LRRTM4: variants seen among roughly 807,000 people sequenced by gnomAD.
LRRTM4 encodes the protein leucine rich repeat transmembrane neuronal 4, also known as leucine-rich repeat transmembrane neuronal protein 4.
LRRTM4 carries 25 observed loss-of-function variants against 47.6 expected under a neutral mutation model. That is an observed-to-expected ratio of 0.53 (90% CI 0.38 to 0.73). LRRTM4 has a LOEUF of 0.73. LRRTM4 is among the 30% of genes least tolerant of loss of function. The pLI is 0.00. For missense variants in LRRTM4, 638 were observed against 713.4 expected, an observed-to-expected ratio of 0.89 and a Z score of 1.20; for synonymous variants, 311 against 269.5, an observed-to-expected ratio of 1.15 and a Z score of -1.51.
chr2:77,507,456 T>A (rs1394134609), intron 3 of LRRTM4, among the ~76,000 whole-genome samples: 1 of 152,052 alleles, frequency 6.6e-6, no homozygotes, highest in South Asian at 2.1e-4. Context: ...GGGCAACACA[T>A]TGGAATGCTG....
intron 3 of LRRTM4, among the ~76,000 whole-genome samples, chr2:76,867,400 G>A (rs1672498125): frequency 6.6e-6 from 1 of 152,130 alleles, no homozygotes; most frequent in Non-Finnish European, 1.5e-5. Flanking sequence ...ATGAGTTCAG[G>A]TATAAAAGAT....
At chr2:76,906,797 C>G (rs1433490772) in intron 3 of LRRTM4, among the ~76,000 whole-genome samples, 5 of 150,896 alleles carry the variant, frequency 3.3e-5, no homozygotes, top group African/African-American at 9.8e-5. Flanking sequence ...GAAGAGCTAA[C>G]TATCCTAAAT....
intron 3 of LRRTM4, among the ~76,000 whole-genome samples, chr2:77,441,258 T>C (rs187236007): frequency 1.3e-5 from 2 of 152,196 alleles, no homozygotes; most frequent in Non-Finnish European, 2.9e-5. Context: ...TTAAAAACTT[T>C]AAATGTTTTT....
At chr2:77,094,977 G>C (rs72807245) in intron 3 of LRRTM4, among the ~76,000 whole-genome samples, 5,950 of 152,194 alleles carry the variant, frequency 0.039, 232 homozygotes, top group African/African-American at 0.093. Context: ...ACAATTAACA[G>C]GGTGAAGAGA....
intron 3 of LRRTM4, among the ~76,000 whole-genome samples, chr2:77,114,710 G>A (rs527238717): frequency 5.3e-5 from 8 of 152,162 alleles, no homozygotes; most frequent in South Asian, 2.1e-4. Context: ...CTGGGCCTCC[G>A]GGGGTGTCAT....
chr2:77,108,862 A>G (rs1312960138), intron 3 of LRRTM4, among the ~76,000 whole-genome samples: 1 of 152,222 alleles, frequency 6.6e-6, no homozygotes, highest in African/African-American at 2.4e-5. Context: ...AACATTCTTT[A>G]TACATAAACC....
chr2:76,763,543 T>G (rs1234266830), intron 3 of LRRTM4, among the ~76,000 whole-genome samples: 1 of 152,200 alleles, frequency 6.6e-6, no homozygotes, highest in African/African-American at 2.4e-5. Context: ...TCCAGAACTG[T>G]AAGGAGCAAA....
chr2:77,398,012 A>G (rs1420362342), intron 3 of LRRTM4, among the ~76,000 whole-genome samples: 3 of 151,820 alleles, frequency 2.0e-5, no homozygotes, highest in Non-Finnish European at 2.9e-5. Flanking sequence ...ACAAATTCCT[A>G]TATGTCATCT....
At chr2:77,251,437 T>C (rs1675613913) in intron 3 of LRRTM4, among the ~76,000 whole-genome samples, 1 of 151,696 alleles carries the variant, frequency 6.6e-6, no homozygotes, top group Non-Finnish European at 1.5e-5. Flanking sequence ...GGGAATGGAA[T>C]TGAGATGAAA....
intron 3 of LRRTM4, among the ~76,000 whole-genome samples, chr2:76,802,467 A>G (rs998555470): frequency 6.6e-6 from 1 of 152,078 alleles, no homozygotes; most frequent in Non-Finnish European, 1.5e-5. Flanking sequence ...ATAAATGGAA[A>G]GGGCCACAAA....
chr2:76,898,925 T>G (rs561543713), intron 3 of LRRTM4, among the ~76,000 whole-genome samples: 1 of 152,162 alleles, frequency 6.6e-6, no homozygotes, highest in Admixed American at 6.6e-5. Flanking sequence ...GCAATTCACA[T>G]ATTTTGAAAG....
chr2:76,916,633 A>G (rs914133247), intron 3 of LRRTM4, among the ~76,000 whole-genome samples: 1 of 152,154 alleles, frequency 6.6e-6, no homozygotes, highest in Non-Finnish European at 1.5e-5. Flanking sequence ...AGGGAAAAAC[A>G]TCACAAATTC....
intron 3 of LRRTM4, among the ~76,000 whole-genome samples, chr2:77,218,755 T>G (rs550534868): frequency 6.6e-6 from 1 of 152,138 alleles, no homozygotes; most frequent in Non-Finnish European, 1.5e-5. Flanking sequence ...AGCAACAATA[T>G]AGTAAGCTTT....
intron 3 of LRRTM4, among the ~76,000 whole-genome samples, chr2:77,313,639 A>G (rs1247628172): frequency 6.6e-6 from 1 of 152,120 alleles, no homozygotes; most frequent in Non-Finnish European, 1.5e-5. Context: ...CTTTGAAGTC[A>G]TAGCACATAT....
At chr2:77,175,779 C>T (rs537400381) in intron 3 of LRRTM4, among the ~76,000 whole-genome samples, 1 of 150,720 alleles carries the variant, frequency 6.6e-6, no homozygotes, top group South Asian at 2.1e-4. Context: ...CTTTGTCACC[C>T]CCACACCCGA....
At chr2:77,326,651 C>T (rs1290849049) in intron 3 of LRRTM4, among the ~76,000 whole-genome samples, 1 of 152,158 alleles carries the variant, frequency 6.6e-6, no homozygotes, top group Admixed American at 6.6e-5. Flanking sequence ...CCACCTTGGC[C>T]TCCCAAAGTG....
chr2:76,938,160 A>G (rs1331272717), intron 3 of LRRTM4, among the ~76,000 whole-genome samples: 1 of 152,098 alleles, frequency 6.6e-6, no homozygotes, highest in East Asian at 1.9e-4. Flanking sequence ...TTCATTTTAA[A>G]AGCTTTTATT....
At chr2:77,186,954 G>C (rs1449121590) in intron 3 of LRRTM4, among the ~76,000 whole-genome samples, 1 of 152,142 alleles carries the variant, frequency 6.6e-6, no homozygotes, top group African/African-American at 2.4e-5. Flanking sequence ...CTGATTAAAA[G>C]ACGAACTAGG....
chr2:77,088,383 G>A (rs947766089), intron 3 of LRRTM4, among the ~76,000 whole-genome samples: 1 of 152,046 alleles, frequency 6.6e-6, no homozygotes, highest in African/African-American at 2.4e-5. Flanking sequence ...TAAATGACCG[G>A]TCCTTGCCTT....
Sources: allele counts gnomAD v4.1 joint callset (sites outside exome capture counted in the v4.1 genomes callset), GRCh38; gene constraint gnomAD v4.1.1; transcripts MANE v1.5; gene names NCBI Gene and HGNC (gene_info 2026-07-23, HGNC 2026-07-21).